Variants in MASP1 observed in about 807,000 individuals in gnomAD.
MASP1 encodes the protein MBL associated serine protease 1, also known as mannan-binding lectin serine protease 1.
Under a neutral mutation model 77.1 loss-of-function variants are expected in MASP1, and 59 were observed. That is an observed-to-expected ratio of 0.77 (90% CI 0.62 to 0.95). MASP1 has a LOEUF of 0.95. Ranked by LOEUF, MASP1 falls within the 40% of genes least tolerant of loss-of-function variation. The pLI is 0.00. For missense variants in MASP1, 885 were observed against 912.9 expected, an observed-to-expected ratio of 0.97 and a Z score of 0.39; for synonymous variants, 362 against 354.5, an observed-to-expected ratio of 1.02 and a Z score of -0.24.
intron 8 of MASP1, among the ~76,000 whole-genome samples, chr3:187,249,008 T>G (rs895848098): frequency 4.6e-5 from 7 of 152,176 alleles, no homozygotes; most frequent in African/African-American, 7.2e-5. Context: ...GCATGAAAAT[T>G]CATGAAAGGA....
chr3:187,238,188 C>T (rs532053139), intron 10 of MASP1, among the ~76,000 whole-genome samples: 13 of 152,316 alleles, frequency 8.5e-5, no homozygotes, highest in African/African-American at 3.1e-4. Flanking sequence ...CAGCATTAAA[C>T]GCTACCTTTC....
intron 9 of MASP1, chr3:187,241,876 T>C (rs1293341582): frequency 3.0e-6 from 1 of 328,714 alleles, no homozygotes; most frequent in Non-Finnish European, 5.9e-6. Flanking sequence ...AATGGGAATG[T>C]GACCATGTCC....
Position 187,235,784 on chromosome 3 carries a change from T to G in MASP1, c.2087A>C (p.Gln696Pro). The change falls in exon 11 of 11, where the codon CAG becomes CCG. Residue 696 changes from glutamine to proline, a missense_variant. By Grantham distance (76) the Gln-to-Pro change is moderately conservative. Coordinates refer to ENST00000296280, the MANE Select transcript of MASP1 (RefSeq NM_139125.4). Reference sequence around the variant, plus strand: ...GACCTTTGTGTAGACTCCATAGACCTGCTTGCTGCCGCATTCTTCAGGTCC... The same window carrying G: ...GACCTTTGTGTAGACTCCATAGACCGGCTTGCTGCCGCATTCTTCAGGTCC... The part of the protein sequence containing the change: ...WGGPEECGSK[Q>P]VYGVYTKVSN... 1 of 1,614,152 alleles carries G rather than the reference T, an allele frequency of 6.2e-7. No homozygotes were observed.
At chr3:187,278,513 C>T (rs1717145636) in intron 2 of MASP1, among the ~76,000 whole-genome samples, 1 of 152,236 alleles carries the variant, frequency 6.6e-6, no homozygotes, top group Non-Finnish European at 1.5e-5. Flanking sequence ...TCTTTCTACA[C>T]CCACTCTTAC....
chr3:187,290,979 CTT>C (rs79212411), intron 1 of MASP1, among the ~76,000 whole-genome samples: 2 of 141,836 alleles, frequency 1.4e-5, no homozygotes, highest in Non-Finnish European at 1.5e-5. Flanking sequence ...CTCTAAAATC[CTT>C]TTTTTTTTTT....
chr3:187,236,301 C>T lies in MASP1; in HGVS notation c.1570G>A (p.Asp524Asn). The T allele has an allele frequency of 1.2e-6, 2 of 1,614,258 alleles. No homozygotes were observed. The highest frequency in any genetic ancestry group is 1.7e-6 in the Non-Finnish European group (2 of 1,180,042). The change falls in exon 11 of 11, where the codon GAT becomes AAT. Residue 524 changes from aspartate to asparagine, a missense_variant. Asp to Asn is a conservative substitution (Grantham distance 23, BLOSUM62 1). Transcript: ENST00000296280. ...EHVTVYLGLH[D>N]VRDKSGAVNS... The stretch of plus-strand genomic sequence containing the variant: ...ACTGCCCCCGATTTGTCTCGCACAT[C>T]ATGCAAGCCCAGGTAGACGGTGACA...
At chr3:187,244,238 C>A (rs4455312) in intron 8 of MASP1, 45,713 of 159,792 alleles carry the variant, frequency 0.29, 6,812 homozygotes, top group Non-Finnish European at 0.33. Flanking sequence ...TCAGTCTTCC[C>A]CTGTTCATTT....
At chr3:187,288,661 T>C (rs1218866360) in intron 1 of MASP1, among the ~76,000 whole-genome samples, 7 of 152,186 alleles carry the variant, frequency 4.6e-5, no homozygotes, top group African/African-American at 1.7e-4. Flanking sequence ...GAGCTTTGGC[T>C]CCTAAACCGG....
At chr3:187,260,967 G>A in intron 3 of MASP1, 95 bp from the exon 4 acceptor site, 5 of 1,383,432 alleles carry the variant, frequency 3.6e-6, no homozygotes, top group Non-Finnish European at 4.1e-6. Flanking sequence ...CACTCACTAT[G>A]TTAGGAGATT....
At chr3:187,271,686 G>A (rs927148643) in intron 2 of MASP1, among the ~76,000 whole-genome samples, 50 of 152,100 alleles carry the variant, frequency 3.3e-4, no homozygotes, top group Non-Finnish European at 8.8e-5. Context: ...AAAGAAACTT[G>A]AGCTCAAAGC....
chr3:187,235,380 G>C lies in MASP1; in HGVS notation c.*304C>G. The C allele has an allele frequency of 6.9e-7, 1 of 1,441,824 alleles. No individual in the cohort carries two copies. The highest frequency in any genetic ancestry group is 9.2e-7 in the Non-Finnish European group (1 of 1,088,214). The allele number at this position is 1,441,824 out of a possible 1,614,324, so 89.3% of individuals were successfully genotyped here. On this transcript the variant is annotated 3_prime_UTR_variant, in exon 11 of 11. Coordinates refer to ENST00000296280, the MANE Select transcript of MASP1 (RefSeq NM_139125.4). ...GCCACTGGGGTAAGAAGCATGGCCT[G>C]GAAAGGAGTGCTGGGATTGGCACAG...
intron 2 of MASP1, among the ~76,000 whole-genome samples, chr3:187,269,646 C>T (rs1241686646): frequency 2.0e-5 from 3 of 152,166 alleles, no homozygotes; most frequent in African/African-American, 7.2e-5. Flanking sequence ...AAGGAACATT[C>T]TTGGTATCTG....
intron 6 of MASP1, among the ~76,000 whole-genome samples, chr3:187,252,921 C>A (rs1714741610): frequency 1.3e-5 from 2 of 152,306 alleles, no homozygotes; most frequent in East Asian, 1.9e-4. Flanking sequence ...TCTCTCTATG[C>A]GATACTGAAG....
downstream of MASP1, among the ~76,000 whole-genome samples, chr3:187,229,533 T>A (rs566648811): frequency 1.1e-4 from 17 of 152,192 alleles, no homozygotes; most frequent in Middle Eastern, 3.4e-3. Flanking sequence ...TGCCCTGTCT[T>A]TGACCTCCAT....
intron 5 of MASP1, among the ~76,000 whole-genome samples, chr3:187,254,303 T>C (rs554538422): frequency 5.3e-5 from 8 of 152,314 alleles, no homozygotes; most frequent in African/African-American, 1.9e-4. Flanking sequence ...ATAATAACTT[T>C]AGGTAATCAA....
intron 2 of MASP1, chr3:187,263,099 A>G (rs552200737): frequency 1.1e-5 from 3 of 279,566 alleles, no homozygotes; most frequent in Admixed American, 5.0e-5. Context: ...TATACACAAT[A>G]TAAGTCATTC....
rs1050547615 is a variant in MASP1, at chr3:187,253,062, T to C, written c.892+106A>G. The C allele has an allele frequency of 8.3e-6, 12 of 1,444,458 alleles. No homozygotes were observed. In the African/African-American group the frequency reaches 1.5e-4, roughly 19 times the overall value. The allele number at this position is 1,444,458 out of a possible 1,614,324, so 89.5% of individuals were successfully genotyped here. Reference sequence around the variant, plus strand: ...CCCAGCTGCTCAACTGGGAGTCCCATCAGGTCTCCAGAGGAGATCCAAGCC... The same window carrying C: ...CCCAGCTGCTCAACTGGGAGTCCCACCAGGTCTCCAGAGGAGATCCAAGCC... On this transcript the variant is annotated intron_variant, in intron 6 of 10. Coordinates refer to ENST00000296280, the MANE Select transcript of MASP1 (RefSeq NM_139125.4).
Position 187,236,203 on chromosome 3 carries a change from C to A in MASP1, c.1668G>T (p.Leu556=). Residue 556 remains leucine, a synonymous_variant, in exon 11 of 11, where the codon CTG becomes CTT. Transcript: ENST00000296280. ...GGGGCACAGGCTCCTGCAGCTGCACCAGAGCTATATCGTGGTTGTAGTTTT... is the reference window on the plus strand; with the variant it reads ...GGGGCACAGGCTCCTGCAGCTGCACAAGAGCTATATCGTGGTTGTAGTTTT... ...NIQNYNHDIA[L]VQLQEPVPLG... 1.2e-6 allele frequency: 2 copies of A among 1,614,192 alleles called. No homozygotes were observed. The highest frequency in any genetic ancestry group is 1.7e-6 in the Non-Finnish European group (2 of 1,180,048).
chr3:187,229,892 C>T (rs147289826), downstream of MASP1: 327 of 1,614,162 alleles, frequency 2.0e-4, no homozygotes, highest in African/African-American at 3.9e-3. Context: ...TTGGGGAGCC[C>T]ACACACTGCA....
Sources: gnomAD v4.1 joint callset for allele counts (sites outside exome capture counted in the v4.1 genomes callset) on GRCh38, gnomAD v4.1.1 for gene constraint, MANE v1.5 for transcripts, NCBI Gene and HGNC (gene_info 2026-07-23, HGNC 2026-07-21) for gene names.